The following AUTS2 variants were observed in gnomAD, a reference collection of about 807,000 sequenced individuals.
AUTS2 encodes autism susceptibility gene 2 protein.
Under a neutral mutation model 112.4 loss-of-function variants are expected in AUTS2, and 17 were observed. That is an observed-to-expected ratio of 0.15 (90% CI 0.10 to 0.23). The LOEUF is 0.23. Among genes scored for constraint, AUTS2 ranks in the 10% least tolerant of loss-of-function variants. The pLI is 1.00. For synonymous variants in AUTS2, 751 were observed against 702.7 expected (o/e 1.07, Z -1.09); for missense variants, 1,510 against 1,701.6 (o/e 0.89, Z 1.98).
intron 5 of AUTS2, among the ~76,000 whole-genome samples, chr7:70,682,556 G>A (rs1808263295): frequency 6.6e-6 from 1 of 152,158 alleles, no homozygotes; most frequent in Non-Finnish European, 1.5e-5. Flanking sequence ...TCCTCCCAGA[G>A]GCAGGAACAC....
chr7:70,040,494 C>A (rs984265249), intron 2 of AUTS2, among the ~76,000 whole-genome samples: 1 of 152,138 alleles, frequency 6.6e-6, no homozygotes, highest in Non-Finnish European at 1.5e-5. Flanking sequence ...ATATGATGTT[C>A]AAAACATATA....
intron 5 of AUTS2, among the ~76,000 whole-genome samples, chr7:70,483,805 G>GAA (rs34809333): frequency 0.17 from 26,117 of 150,514 alleles, 2,631 homozygotes; most frequent in Non-Finnish European, 0.2. Context: ...AAAGGAGAAA[G>GAA]AAAAAAAAAA....
At chr7:70,720,140 G>A (rs1810585228) in intron 6 of AUTS2, among the ~76,000 whole-genome samples, 1 of 150,012 alleles carries the variant, frequency 6.7e-6, no homozygotes, top group Admixed American at 6.6e-5. Context: ...TTACTCCACG[G>A]AGTTTATTAT....
chr7:70,300,099 G>C (rs1051796030), intron 4 of AUTS2, among the ~76,000 whole-genome samples: 7 of 152,164 alleles, frequency 4.6e-5, no homozygotes, highest in Admixed American at 3.9e-4. Flanking sequence ...TGTCTTTAGA[G>C]GTAGGTAAAA....
chr7:69,797,237 TC>T (rs892202358), intron 1 of AUTS2, among the ~76,000 whole-genome samples: 57 of 152,248 alleles, frequency 3.7e-4, no homozygotes, highest in African/African-American at 1.3e-3. Context: ...TGTCTGGAAA[TC>T]AGTGATTCTC....
intron 5 of AUTS2, among the ~76,000 whole-genome samples, chr7:70,643,344 G>A (rs1029502086): frequency 1.3e-5 from 2 of 152,214 alleles, no homozygotes; most frequent in Admixed American, 1.3e-4. Flanking sequence ...AGGCCGAGGT[G>A]GGCAGATCAT....
intron 6 of AUTS2, among the ~76,000 whole-genome samples, chr7:70,701,195 A>G (rs1809436819): frequency 6.6e-6 from 1 of 152,234 alleles, no homozygotes. Context: ...GATTTGGTCC[A>G]TAAAATTTCA....
At chr7:70,097,896 C>G (rs544478074) in intron 2 of AUTS2, among the ~76,000 whole-genome samples, 1 of 152,174 alleles carries the variant, frequency 6.6e-6, no homozygotes, top group East Asian at 1.9e-4. Context: ...ATGGGAAGAA[C>G]TGTTGGTGAG....
chr7:70,127,530 G>A (rs1806043966), intron 3 of AUTS2, among the ~76,000 whole-genome samples: 1 of 152,072 alleles, frequency 6.6e-6, no homozygotes, highest in Non-Finnish European at 1.5e-5. Context: ...ACACACTGTG[G>A]AAGTAAACTT....
At chr7:69,606,228 CTA>C (rs1792707867) in intron 1 of AUTS2, among the ~76,000 whole-genome samples, 1 of 152,166 alleles carries the variant, frequency 6.6e-6, no homozygotes, top group African/African-American at 2.4e-5. Flanking sequence ...TGAGACTCTT[CTA>C]CACCACAGTT....
In AUTS2 at chr7:70,291,456, T is replaced by C. The variant is rs554991527; in HGVS notation, c.661-144296T>C. 22 of 152,344 alleles carry C rather than the reference T, an allele frequency of 1.4e-4. No homozygotes were observed. The South Asian group carries it at 4.3e-3, about 30-fold the overall frequency. The allele number at this position is 152,344 out of a possible 1,614,324, so 9.4% of individuals were successfully genotyped here. A position where few individuals can be genotyped will look rare whatever the true frequency, so the allele number is the denominator to read the frequency against. On this transcript the variant is annotated intron_variant, in intron 4 of 18. Coordinates refer to ENST00000342771, the MANE Select transcript of AUTS2 (RefSeq NM_015570.4). ...TAGCCCAGACAATGAAATAATGTGATAATTCCTATTTTCAGAAAAGATAAC... is the reference window on the plus strand; with the variant it reads ...TAGCCCAGACAATGAAATAATGTGACAATTCCTATTTTCAGAAAAGATAAC...
At chr7:69,961,403 A>T (rs748262268) in intron 2 of AUTS2, among the ~76,000 whole-genome samples, 3 of 152,196 alleles carry the variant, frequency 2.0e-5, no homozygotes, top group Non-Finnish European at 2.9e-5. Flanking sequence ...AGGTGATTGT[A>T]TCAGAGCTTA....
intron 2 of AUTS2, among the ~76,000 whole-genome samples, chr7:70,025,639 A>G (rs1366510504): frequency 1.3e-5 from 2 of 151,646 alleles, no homozygotes; most frequent in African/African-American, 4.8e-5. Flanking sequence ...TATTTTTAGT[A>G]GGGACAGAGT....
intron 1 of AUTS2, among the ~76,000 whole-genome samples, chr7:69,731,361 C>T (rs1786783585): frequency 6.6e-6 from 1 of 152,114 alleles, no homozygotes; most frequent in South Asian, 2.1e-4. Context: ...CTTAATTAAA[C>T]AAGTGCCACT....
intron 1 of AUTS2, among the ~76,000 whole-genome samples, chr7:69,699,550 T>C (rs1379530711): frequency 6.6e-6 from 1 of 152,158 alleles, no homozygotes; most frequent in African/African-American, 2.4e-5. Context: ...AATATTTCAT[T>C]GTATAGCTGT....
At chr7:69,741,058 G>A (rs927498340) in intron 1 of AUTS2, among the ~76,000 whole-genome samples, 2 of 152,182 alleles carry the variant, frequency 1.3e-5, no homozygotes, top group African/African-American at 4.8e-5. Flanking sequence ...CAAGTGCTGT[G>A]TATGGAGTGT....
chr7:69,949,088 T>C (rs932674003), intron 2 of AUTS2, among the ~76,000 whole-genome samples: 2 of 152,172 alleles, frequency 1.3e-5, no homozygotes, highest in African/African-American at 4.8e-5. Flanking sequence ...ATTACAGACA[T>C]GAGCCACCAC....
At chr7:70,302,947 A>AATAT (rs1347030803) in intron 4 of AUTS2, among the ~76,000 whole-genome samples, 3 of 140,498 alleles carry the variant, frequency 2.1e-5, no homozygotes, top group Non-Finnish European at 4.6e-5. Context: ...ATTCTGTCCT[A>AATAT]ATATATCCTT....
chr7:70,337,428 A>G (rs530017423), intron 4 of AUTS2, among the ~76,000 whole-genome samples: 2 of 152,330 alleles, frequency 1.3e-5, no homozygotes, highest in East Asian at 1.9e-4. Context: ...ACAAAATGTT[A>G]CAAGTGATAG....
Sources: allele counts gnomAD v4.1 joint callset (sites outside exome capture counted in the v4.1 genomes callset), GRCh38; gene constraint gnomAD v4.1.1; transcripts MANE v1.5; gene names NCBI Gene and HGNC (gene_info 2026-07-23, HGNC 2026-07-21).